Variants in CWF19L2 observed in about 807,000 individuals in gnomAD.
CWF19L2 encodes CWF19-like protein 2.
A neutral mutation model predicts 111.7 loss-of-function variants in CWF19L2; 98 were observed. The observed-to-expected ratio is 0.88, with a 90% CI of 0.75 to 1.04. CWF19L2 has a LOEUF of 1.04. CWF19L2 is among the 50% of genes least tolerant of loss of function. CWF19L2 has a pLI of 0.00. For missense variants in CWF19L2, 1,101 were observed against 1,051.4 expected (o/e 1.05, Z -0.65); for synonymous variants, 351 against 342.9 (o/e 1.02, Z -0.26).
chr11:107,405,350 C>T (rs78869831), intron 10 of CWF19L2, among the ~76,000 whole-genome samples: 1,958 of 152,208 alleles, frequency 0.013, 33 homozygotes, highest in African/African-American at 0.044. Flanking sequence ...TGGTTCTATA[C>T]TATTATTTAG....
At chr11:107,409,592 AT>A (rs1861128890) in intron 10 of CWF19L2, among the ~76,000 whole-genome samples, 1 of 152,168 alleles carries the variant, frequency 6.6e-6, no homozygotes, top group South Asian at 2.1e-4. Context: ...TTGAAGGATT[AT>A]TAACAGGCAC....
chr11:107,344,727 C>T (rs551972719), intron 14 of CWF19L2, among the ~76,000 whole-genome samples: 114 of 152,226 alleles, frequency 7.5e-4, no homozygotes, highest in African/African-American at 2.6e-3. Flanking sequence ...CTATTGATTA[C>T]CTTTTTCAAC....
In CWF19L2 at chr11:107,428,821, C is replaced by A. The variant is rs761913415; in HGVS notation, c.1411G>T (p.Asp471Tyr). 1 of 1,610,218 alleles carries A rather than the reference C, an allele frequency of 6.2e-7. No homozygotes were observed. Among genetic ancestry groups the A allele is most frequent in the East Asian group, 2.2e-5 (1 of 44,862 alleles). Residue 471 changes from aspartate (D) to tyrosine (Y), a missense_variant, in exon 8 of 18, where the codon GAT becomes TAT. By Grantham distance (160) the Asp-to-Tyr change is radical (BLOSUM62 -3). Transcript: ENST00000282251. ...TACCCAGCAAATGTAGACTTTGTAT[C>A]CCGTAGATGTTCTTTTTTTGGAGGG... Reference protein sequence around the residue: ...DDPPKKEHLRDTKSTFAGSPE... With the variant: ...DDPPKKEHLRYTKSTFAGSPE...
At chr11:107,346,749 CAG>C (rs148427391) in intron 14 of CWF19L2, among the ~76,000 whole-genome samples, 541 of 152,246 alleles carry the variant, frequency 3.6e-3, no homozygotes, top group African/African-American at 0.012. Context: ...AGTCTGAAAA[CAG>C]GGGTGTTATC....
chr11:107,355,646 C>G (rs1032334833), intron 12 of CWF19L2, among the ~76,000 whole-genome samples: 1 of 152,090 alleles, frequency 6.6e-6, no homozygotes, highest in Non-Finnish European at 1.5e-5. Context: ...ACACAACATT[C>G]TGTAGATTAT....
intron 10 of CWF19L2, among the ~76,000 whole-genome samples, chr11:107,409,357 T>C (rs1310948768): frequency 2.0e-5 from 3 of 152,100 alleles, no homozygotes; most frequent in Admixed American, 2.0e-4. Context: ...CTCAATTTCT[T>C]TAAAGAGAAT....
At chr11:107,436,727 G>A (rs1039202777) in intron 6 of CWF19L2, among the ~76,000 whole-genome samples, 2 of 152,034 alleles carry the variant, frequency 1.3e-5, no homozygotes, top group Non-Finnish European at 1.5e-5. Context: ...CTAACTACAT[G>A]GTAATAAAAA....
intron 14 of CWF19L2, chr11:107,345,601 C>T (rs1860068664): frequency 5.8e-6 from 2 of 346,386 alleles, no homozygotes; most frequent in Non-Finnish European, 1.1e-5. Context: ...AATATATAAA[C>T]CTCATACTAA....
chr11:107,344,179 CTCCAGCCTGGGTAACAGAGTAAGACTCAA>C (rs952737115), intron 14 of CWF19L2, among the ~76,000 whole-genome samples: 36 of 152,312 alleles, frequency 2.4e-4, no homozygotes, highest in African/African-American at 8.7e-4. Context: ...CGCCACTGCA[CTCCAGCCTGGGTAACAGAGTAAGACTCAA>C]TCTCAAAAAA....
rs1266817180 is a variant in CWF19L2 at position 107,374,370 on chromosome 11, G to GA, written c.1872+15703dup. On this transcript the variant is annotated intron_variant, in intron 12 of 17. Coordinates refer to ENST00000282251, the MANE Select transcript of CWF19L2 (RefSeq NM_152434.3). ...AAAAAATGTTAAGGGCAGCCAGAGA[G>GA]AAAGGTTGGGTTACCCTCAAAGGGA... Among the ~76,000 whole-genome samples, 2 of 133,380 alleles carry GA rather than the reference G, an allele frequency of 1.5e-5. 1 individual carries two copies. Among genetic ancestry groups the GA allele is most frequent in the Non-Finnish European group, 3.2e-5 (2 of 63,350 alleles). 87.5% of individuals were successfully genotyped at this position (133,380 alleles called of 152,430 possible).
At chr11:107,445,583 G>T (rs1182898581) in intron 3 of CWF19L2, among the ~76,000 whole-genome samples, 1 of 144,442 alleles carries the variant, frequency 6.9e-6, no homozygotes, top group African/African-American at 2.6e-5. Flanking sequence ...CAGCCTGGGG[G>T]ACAAGAGCAA....
chr11:107,333,331 T>G (rs1375478136), intron 16 of CWF19L2, among the ~76,000 whole-genome samples: 1 of 152,178 alleles, frequency 6.6e-6, no homozygotes, highest in South Asian at 2.1e-4. Flanking sequence ...CAGGTACTCA[T>G]GGAGCTTTTA....
At chr11:107,330,047 A>G in intron 16 of CWF19L2, 28 bp from the exon 17 acceptor site, 1 of 1,403,644 alleles carries the variant, frequency 7.1e-7, no homozygotes, top group Non-Finnish European at 9.7e-7. Flanking sequence ...TCACAAATGG[A>G]ATACAGTATG....
chr11:107,413,459 G>A (rs1861185873), intron 10 of CWF19L2, among the ~76,000 whole-genome samples: 1 of 152,196 alleles, frequency 6.6e-6, no homozygotes, highest in African/African-American at 2.4e-5. Flanking sequence ...AAGTCTTGGA[G>A]GTAGGACTGG....
At chr11:107,442,293 T>C (rs570938261) in intron 4 of CWF19L2, among the ~76,000 whole-genome samples, 145 of 152,336 alleles carry the variant, frequency 9.5e-4, no homozygotes, top group African/African-American at 3.4e-3. Flanking sequence ...CTAAAGTATA[T>C]TGTTTTCAAA....
chr11:107,332,998 T>C (rs1208697028), intron 16 of CWF19L2, among the ~76,000 whole-genome samples: 1 of 151,714 alleles, frequency 6.6e-6, no homozygotes, highest in Non-Finnish European at 1.5e-5. Context: ...CGCTCCTGTA[T>C]TCCCAGCTAC....
chr11:107,442,419 C>G (rs893379732), intron 4 of CWF19L2, among the ~76,000 whole-genome samples: 1 of 151,912 alleles, frequency 6.6e-6, no homozygotes, highest in Non-Finnish European at 1.5e-5. Context: ...CAGTGGCTCA[C>G]GTCTCTAATT....
chr11:107,383,325 G>A (rs1445979810), intron 12 of CWF19L2, among the ~76,000 whole-genome samples: 1 of 152,078 alleles, frequency 6.6e-6, no homozygotes, highest in Non-Finnish European at 1.5e-5. Flanking sequence ...GACAGTGTTG[G>A]AACTGAATTA....
At chr11:107,425,500 T>C (rs759811349) in intron 8 of CWF19L2, among the ~76,000 whole-genome samples, 9 of 151,948 alleles carry the variant, frequency 5.9e-5, no homozygotes, top group Non-Finnish European at 1.3e-4. Flanking sequence ...CCATATAGTG[T>C]AGGTATGCAC....
Sources: gnomAD v4.1 joint callset for allele counts (sites outside exome capture counted in the v4.1 genomes callset) on GRCh38, gnomAD v4.1.1 for gene constraint, MANE v1.5 for transcripts, NCBI Gene and HGNC (gene_info 2026-07-23, HGNC 2026-07-21) for gene names.